Variants in EPHA7 observed in about 807,000 individuals in gnomAD.
EPHA7 encodes ephrin type-A receptor 7.
EPHA7 carries 25 observed loss-of-function variants against 112.6 expected under a neutral mutation model. The ratio of observed to expected loss-of-function variants is 0.22; its 90% CI spans 0.16 to 0.31. The LOEUF (loss-of-function observed/expected upper bound fraction) is 0.31. Ranked by LOEUF, EPHA7 falls within the 10% of genes least tolerant of loss-of-function variation. The pLI is 1.00. For synonymous variants in EPHA7, 437 were observed against 406.5 expected (o/e 1.07, Z -0.90); for missense variants, 962 against 1,212.6 (o/e 0.79, Z 3.07).
chr6:93,385,821 A>G (rs1199877911), intron 3 of EPHA7, among the ~76,000 whole-genome samples: 1 of 152,190 alleles, frequency 6.6e-6, no homozygotes, highest in Admixed American at 6.5e-5. Flanking sequence ...AAGAGGTTTA[A>G]TTGACTCACA....
chr6:93,369,128 TA>T (rs562853511), intron 3 of EPHA7, among the ~76,000 whole-genome samples: 3 of 146,316 alleles, frequency 2.1e-5, no homozygotes, highest in Non-Finnish European at 3.0e-5. Context: ...CTTTCTTTTT[TA>T]AAAAAAAGAG....
chr6:93,303,128 G>A, intron 5 of EPHA7, among the ~76,000 whole-genome samples: 1 of 152,132 alleles, frequency 6.6e-6, no homozygotes, highest in Non-Finnish European at 1.5e-5. Flanking sequence ...GTTTGCCCGT[G>A]ATCCTACTTT....
At chr6:93,312,998 C>T (rs1278728960) in intron 5 of EPHA7, among the ~76,000 whole-genome samples, 2 of 151,838 alleles carry the variant, frequency 1.3e-5, no homozygotes, top group Non-Finnish European at 2.9e-5. Flanking sequence ...TATGGTGCTC[C>T]CAGACAATTA....
intron 7 of EPHA7, among the ~76,000 whole-genome samples, chr6:93,265,539 T>C (rs1401579295): frequency 2.0e-5 from 3 of 151,690 alleles, no homozygotes; most frequent in Non-Finnish European, 3.0e-5. Flanking sequence ...TTTTCCAAAC[T>C]AGTGAAGTTT....
At chr6:93,348,709 T>C (rs1025577049) in intron 5 of EPHA7, among the ~76,000 whole-genome samples, 4 of 151,994 alleles carry the variant, frequency 2.6e-5, no homozygotes, top group South Asian at 2.1e-4. Context: ...TAAATAACAT[T>C]ATATCATTTG....
At chr6:93,352,654 T>C (rs1775751306) in intron 5 of EPHA7, among the ~76,000 whole-genome samples, 1 of 152,118 alleles carries the variant, frequency 6.6e-6, no homozygotes, top group African/African-American at 2.4e-5. Flanking sequence ...CCCATAGTGC[T>C]TGACATGCAC....
At chr6:93,416,365 C>T (rs1287920194) in intron 1 of EPHA7, among the ~76,000 whole-genome samples, 1 of 152,018 alleles carries the variant, frequency 6.6e-6, no homozygotes, top group Non-Finnish European at 1.5e-5. Flanking sequence ...ATATAGACAA[C>T]AGGATTTTAA....
chr6:93,325,385 TATTTAGCTACATA>T (rs1774269224), intron 5 of EPHA7, among the ~76,000 whole-genome samples: 1 of 151,332 alleles, frequency 6.6e-6, no homozygotes, highest in Non-Finnish European at 1.5e-5. Context: ...AAGCCAGGCT[TATTTAGCTACATA>T]ATATAGGCCA....
At chr6:93,318,844 G>T (rs1363300779) in intron 5 of EPHA7, among the ~76,000 whole-genome samples, 1 of 151,968 alleles carries the variant, frequency 6.6e-6, no homozygotes, top group African/African-American at 2.4e-5. Flanking sequence ...CTATTGCTGT[G>T]GCTGAAAGGA....
At chr6:93,318,376 C>T (rs56040899) in intron 5 of EPHA7, among the ~76,000 whole-genome samples, 35 of 152,078 alleles carry the variant, frequency 2.3e-4, no homozygotes, top group African/African-American at 8.4e-4. Flanking sequence ...CTTGGAACCA[C>T]GCATTCTGAA....
chr6:93,256,919 A>C (rs1770465508), intron 12 of EPHA7, among the ~76,000 whole-genome samples: 1 of 152,036 alleles, frequency 6.6e-6, no homozygotes, highest in Non-Finnish European at 1.5e-5. Context: ...TAATATTCTT[A>C]GTTAAAAAGC....
At chr6:93,272,224 C>G in intron 6 of EPHA7, 74 bp downstream of exon 6, 1 of 1,548,092 alleles carries the variant, frequency 6.5e-7, no homozygotes, top group Admixed American at 1.8e-5. Context: ...TAATGACCAA[C>G]TTTAGTCTAC....
intron 5 of EPHA7, among the ~76,000 whole-genome samples, chr6:93,304,736 G>C (rs548653488): frequency 2.0e-4 from 31 of 152,154 alleles, no homozygotes; most frequent in African/African-American, 7.2e-4. Flanking sequence ...CCCAACTCCT[G>C]AGAGTATTTA....
At chr6:93,305,909 T>C (rs1389496161) in intron 5 of EPHA7, among the ~76,000 whole-genome samples, 2 of 151,966 alleles carry the variant, frequency 1.3e-5, no homozygotes, top group Non-Finnish European at 2.9e-5. Context: ...CATTAAGAGA[T>C]ATTCAGTACT....
In EPHA7 at chr6:93,310,099, T is replaced by A. The variant is rs539744612; in HGVS notation, c.1325-37677A>T. Among the ~76,000 whole-genome samples the A allele has an allele frequency of 4.6e-5, 7 of 152,304 alleles. No individual in the cohort carries two copies. In the East Asian group the frequency reaches 1.4e-3, roughly 29 times the overall value. On this transcript the variant is annotated intron_variant, in intron 5 of 16. Coordinates refer to ENST00000369303, the MANE Select transcript of EPHA7 (RefSeq NM_004440.4). ...AAAGAGGTATGTTTTTGAACAGTCT[T>A]CAATAAAAATGAATTATTTAAATTA... is the stretch of plus-strand genomic sequence containing the variant.
At chr6:93,415,790 G>A (rs1396936551) in intron 1 of EPHA7, among the ~76,000 whole-genome samples, 1 of 151,934 alleles carries the variant, frequency 6.6e-6, no homozygotes. Context: ...ATCAGCCTCA[G>A]AAAAATGTTA....
rs1415024953 is a variant in EPHA7 at position 93,259,510 on chromosome 6, T to C, written c.1799-31A>G. ...ATGATGTAAGAAAGCATGACTGTGATGAAGCAAAGCACTTATTGTGCAGTC... is the reference window on the plus strand; with the variant it reads ...ATGATGTAAGAAAGCATGACTGTGACGAAGCAAAGCACTTATTGTGCAGTC... On this transcript the variant is annotated intron_variant, in intron 9 of 16. Coordinates refer to ENST00000369303, the MANE Select transcript of EPHA7 (RefSeq NM_004440.4). 4 of 1,608,418 alleles carry C rather than the reference T, an allele frequency of 2.5e-6. No homozygotes were observed. The Admixed American group carries it at 6.7e-5, about 27-fold the overall frequency.
intron 1 of EPHA7, among the ~76,000 whole-genome samples, chr6:93,418,687 G>C (rs1444303095): frequency 3.3e-5 from 5 of 152,196 alleles, no homozygotes; most frequent in Admixed American, 1.3e-4. Flanking sequence ...CCGCAGGACC[G>C]CGCCGCCGCC....
intron 12 of EPHA7, among the ~76,000 whole-genome samples, chr6:93,257,058 A>G (rs1438327654): frequency 6.6e-6 from 1 of 152,156 alleles, no homozygotes; most frequent in Non-Finnish European, 1.5e-5. Context: ...TCACCTAACA[A>G]TAAAATAGAA....
Sources: allele counts gnomAD v4.1 joint callset (sites outside exome capture counted in the v4.1 genomes callset), GRCh38; gene constraint gnomAD v4.1.1; transcripts MANE v1.5; gene names NCBI Gene and HGNC (gene_info 2026-07-23, HGNC 2026-07-21).